YIPF4: variants seen among roughly 807,000 people sequenced by gnomAD.
YIPF4 encodes Yip1 domain family member 4, also known as protein YIPF4.
Under a neutral mutation model 29.4 loss-of-function variants are expected in YIPF4, and 18 were observed. The observed-to-expected ratio is 0.61, with a 90% CI of 0.42 to 0.91. The LOEUF (loss-of-function observed/expected upper bound fraction) is 0.91, where lower values mean the gene tolerates loss of function less well. Ranked by LOEUF, YIPF4 falls within the 40% of genes least tolerant of loss-of-function variation. The pLI is 0.00. For synonymous variants in YIPF4, 115 were observed against 104.7 expected, an observed-to-expected ratio of 1.10 and a Z score of -0.60; for missense variants, 279 against 282.7, an observed-to-expected ratio of 0.99 and a Z score of 0.09.
intron 3 of YIPF4, among the ~76,000 whole-genome samples, chr2:32,295,319 G>A (rs1046744682): frequency 6.6e-6 from 1 of 152,174 alleles, no homozygotes; most frequent in Admixed American, 6.5e-5. Flanking sequence ...AAATGAATGA[G>A]TTTCTGGTGG....
intron 3 of YIPF4, among the ~76,000 whole-genome samples, chr2:32,294,973 A>G (rs2031114555): frequency 6.9e-6 from 1 of 145,564 alleles, no homozygotes. Context: ...AGGCTGAGGC[A>G]GGAGAATCAG....
rs377164184 is a variant in YIPF4 at position 32,293,436 on chromosome 2, G to A, written c.405+1088G>A. Among the ~76,000 whole-genome samples, 12 of 152,300 alleles carry A rather than the reference G, an allele frequency of 7.9e-5. No individual in the cohort carries two copies. In the South Asian group the frequency reaches 2.3e-3, roughly 29 times the overall value. On this transcript the variant is annotated intron_variant, in intron 3 of 5. Coordinates refer to ENST00000238831, the MANE Select transcript of YIPF4 (RefSeq NM_032312.4). ...GGTCCCAGATCAACAGGATCCCAAG[G>A]CAGAAGAATTTTTCTTAGTACAGAA...
chr2:32,294,997 A>G (rs2031115595), intron 3 of YIPF4, among the ~76,000 whole-genome samples: 1 of 134,876 alleles, frequency 7.4e-6, no homozygotes, highest in African/African-American at 2.7e-5. Context: ...GGGAGGTTGC[A>G]GTGAGCCGAG....
chr2:32,296,422 G>A (rs2031184560), intron 3 of YIPF4, among the ~76,000 whole-genome samples: 1 of 148,472 alleles, frequency 6.7e-6, no homozygotes, highest in Non-Finnish European at 1.5e-5. Context: ...ATTGAGCCGA[G>A]ATCACGCCAC....
chr2:32,303,614 A>G (rs1258792688), intron 5 of YIPF4, among the ~76,000 whole-genome samples: 1 of 152,158 alleles, frequency 6.6e-6, no homozygotes, highest in Non-Finnish European at 1.5e-5. Flanking sequence ...TGAGCCCAAG[A>G]GGTTGAGGCT....
Position 32,306,737 on chromosome 2 carries a change from A to G in YIPF4, c.*1111A>G, listed in dbSNP as rs553769942. 27 of 316,588 alleles carry G rather than the reference A, an allele frequency of 8.5e-5. No individual in the cohort carries two copies. Among genetic ancestry groups the G allele is most frequent in the African/African-American group, 5.9e-4 (26 of 44,324 alleles). The allele number at this position is 316,588 out of a possible 1,614,324, so 19.6% of individuals were successfully genotyped here. On this transcript the variant is annotated 3_prime_UTR_variant, in exon 6 of 6. Coordinates refer to ENST00000238831, the MANE Select transcript of YIPF4 (RefSeq NM_032312.4). ...TAGGTTTTTAGATACACCTGTAGTT[A>G]ATATTACTTTGTAAAGTAGGTAAAT...
chr2:32,277,960 CAAG>C lies in YIPF4; in HGVS notation c.-191_-189del, dbSNP rs1305173830. The C allele has an allele frequency of 2.4e-4, 128 of 540,490 alleles. No homozygotes were observed. The highest frequency in any genetic ancestry group is 2.3e-4 in the Admixed American group (6 of 25,806). 33.5% of individuals were successfully genotyped at this position (540,490 alleles called of 1,614,324 possible). ...GTCGTGGTGCTTGGGTGGTCGCCAC[CAAG>C]AAGACTTTGGTGGGGTAGTCTCGGG... is the stretch of plus-strand genomic sequence containing the variant. On this transcript the variant is annotated 5_prime_UTR_variant, in exon 1 of 6. Coordinates refer to ENST00000238831, the MANE Select transcript of YIPF4 (RefSeq NM_032312.4).
rs1332239443 is a variant in YIPF4, at chr2:32,307,177, C to T, written c.*1551C>T. ...AGTAATCAGGAAATATCTATGCCTA[C>T]AGAAGCAGCAACCGTAAGATAAACA... On this transcript the variant is annotated 3_prime_UTR_variant, in exon 6 of 6. Transcript: ENST00000238831. The T allele has an allele frequency of 7.9e-7, 1 of 1,269,836 alleles. No individual in the cohort carries two copies. The highest frequency in any genetic ancestry group is 1.3e-5 in the South Asian group (1 of 76,000). The allele number at this position is 1,269,836 out of a possible 1,614,324, so 78.7% of individuals were successfully genotyped here. A position where few individuals can be genotyped will look rare whatever the true frequency, so the allele number is the denominator to read the frequency against.
At chr2:32,280,897 A>C (rs1168236890) in intron 1 of YIPF4, among the ~76,000 whole-genome samples, 1 of 152,154 alleles carries the variant, frequency 6.6e-6, no homozygotes, top group Non-Finnish European at 1.5e-5. Flanking sequence ...TCCCAGGTTT[A>C]AAAAAATTGT....
intron 3 of YIPF4, among the ~76,000 whole-genome samples, chr2:32,294,911 A>G (rs1396681876): frequency 1.3e-5 from 2 of 152,242 alleles, no homozygotes; most frequent in Non-Finnish European, 2.9e-5. Context: ...CCAAAAAAAT[A>G]CAAAAACCAG....
chr2:32,285,024 A>T (rs2030605627), intron 1 of YIPF4, among the ~76,000 whole-genome samples: 1 of 152,110 alleles, frequency 6.6e-6, no homozygotes, highest in Non-Finnish European at 1.5e-5. Flanking sequence ...AAGAGTATGG[A>T]TTGGAAGGAG....
At chr2:32,294,846 C>G (rs910743478) in intron 3 of YIPF4, among the ~76,000 whole-genome samples, 6 of 152,260 alleles carry the variant, frequency 3.9e-5, no homozygotes, top group Non-Finnish European at 5.9e-5. Context: ...TGGCGGATCA[C>G]TCGTGGTTAG....
intron 3 of YIPF4, among the ~76,000 whole-genome samples, chr2:32,292,869 A>G (rs1285629123): frequency 6.6e-6 from 1 of 150,544 alleles, no homozygotes; most frequent in Non-Finnish European, 1.5e-5. Context: ...TCTCAAAAAA[A>G]AAAAAAAAAA....
At chr2:32,294,635 C>A (rs1326336062) in intron 3 of YIPF4, among the ~76,000 whole-genome samples, 14 of 151,846 alleles carry the variant, frequency 9.2e-5, no homozygotes, top group Admixed American at 9.2e-4. Flanking sequence ...GGCGGCCAGG[C>A]AGAGACGCTC....
intron 1 of YIPF4, among the ~76,000 whole-genome samples, chr2:32,279,946 G>C (rs2030318031): frequency 6.8e-6 from 1 of 147,872 alleles, no homozygotes. Flanking sequence ...TGCCAGGCTG[G>C]AGTGCAGTGG....
rs555075098 is a variant in YIPF4 at position 32,315,381 on chromosome 2, G to T, written c.*9755G>T. ...ACATCCCAGCCCTGAGTGAAGTCAG[G>T]GATCTGTTAGGAAGAATGGATGCTA... On this transcript the variant is annotated 3_prime_UTR_variant, in exon 6 of 6. Transcript: ENST00000238831. 1 of 152,352 alleles carries T rather than the reference G, an allele frequency of 6.6e-6. No individual in the cohort carries two copies. Among genetic ancestry groups the T allele is most frequent in the South Asian group, 2.1e-4 (1 of 4,828 alleles). The allele number at this position is 152,352 out of a possible 1,614,324, so 9.4% of individuals were successfully genotyped here. A position where few individuals can be genotyped will look rare whatever the true frequency, so the allele number is the denominator to read the frequency against.
intron 4 of YIPF4, among the ~76,000 whole-genome samples, chr2:32,300,180 C>G (rs1270570999): frequency 6.6e-6 from 1 of 152,166 alleles, no homozygotes; most frequent in African/African-American, 2.4e-5. Flanking sequence ...GCAGGAGAAT[C>G]TCTTGAACCC....
chr2:32,277,915 G>A lies in YIPF4; in HGVS notation c.-241G>A. On this transcript the variant is annotated 5_prime_UTR_variant, in exon 1 of 6. The change abolishes an upstream ATG in the 5' untranslated region. Transcript: ENST00000238831. ...ATCCCAGCGCCGCTGTCACTGTTATGGTCCTGTCAGGGTGCCGGCGTCGTG... is the reference window on the plus strand; with the variant it reads ...ATCCCAGCGCCGCTGTCACTGTTATAGTCCTGTCAGGGTGCCGGCGTCGTG... 1 of 517,092 alleles carries A rather than the reference G, an allele frequency of 1.9e-6. No individual in the cohort carries two copies. Among genetic ancestry groups the A allele is most frequent in the Non-Finnish European group, 3.4e-6 (1 of 294,056 alleles). 32.0% of individuals were successfully genotyped at this position (517,092 alleles called of 1,614,324 possible).
intron 1 of YIPF4, among the ~76,000 whole-genome samples, chr2:32,286,409 CAGATA>C (rs1253076008): frequency 3.3e-5 from 5 of 151,956 alleles, no homozygotes; most frequent in African/African-American, 1.2e-4. Flanking sequence ...TTTTGTTTAT[CAGATA>C]AATTACAGAA....
Sources: allele counts gnomAD v4.1 joint callset (sites outside exome capture counted in the v4.1 genomes callset), GRCh38; gene constraint gnomAD v4.1.1; transcripts MANE v1.5; gene names NCBI Gene and HGNC (gene_info 2026-07-23, HGNC 2026-07-21).